Variants in PIK3C3 observed in about 807,000 individuals in gnomAD.
PIK3C3 encodes the protein phosphatidylinositol 3-kinase catalytic subunit type 3.
Under a neutral mutation model 126.1 loss-of-function variants are expected in PIK3C3, and 95 were observed. That is an observed-to-expected ratio of 0.75 (90% CI 0.64 to 0.89). PIK3C3 has a LOEUF of 0.89. Among genes scored for constraint, PIK3C3 ranks in the 40% least tolerant of loss-of-function variants. The probability of loss-of-function intolerance (pLI) is 0.00; values close to 1 mark genes in which losing one functional copy is unlikely to be tolerated. For synonymous variants in PIK3C3, 374 were observed against 360.0 expected, an observed-to-expected ratio of 1.04 and a Z score of -0.44; for missense variants, 829 against 1,063.2, an observed-to-expected ratio of 0.78 and a Z score of 3.06.
intron 9 of PIK3C3, among the ~76,000 whole-genome samples, chr18:42,002,822 T>C (rs1280460988): frequency 6.6e-6 from 1 of 152,180 alleles, no homozygotes; most frequent in Non-Finnish European, 1.5e-5. Flanking sequence ...TCCAGATGTG[T>C]CATATAATGA....
At chr18:41,972,440 A>G (rs1432245130) in intron 4 of PIK3C3, among the ~76,000 whole-genome samples, 2 of 152,112 alleles carry the variant, frequency 1.3e-5, no homozygotes, top group African/African-American at 4.8e-5. Flanking sequence ...CAGAATGGTT[A>G]GCAGTTTTCA....
At chr18:42,017,694 T>C (rs1983136942) in intron 12 of PIK3C3, among the ~76,000 whole-genome samples, 1 of 152,092 alleles carries the variant, frequency 6.6e-6, no homozygotes, top group Non-Finnish European at 1.5e-5. Flanking sequence ...CTTTTCATCT[T>C]AAAACCTGTT....
chr18:42,067,561 G>C, intron 24 of PIK3C3, 48 bp downstream of exon 24: 1 of 1,600,152 alleles, frequency 6.2e-7, no homozygotes, highest in East Asian at 2.2e-5. Flanking sequence ...TCCGTGTACT[G>C]CCCCAGAGTC....
chr18:42,018,288 C>T (rs1378827299), intron 12 of PIK3C3, among the ~76,000 whole-genome samples: 1 of 151,898 alleles, frequency 6.6e-6, no homozygotes, highest in Non-Finnish European at 1.5e-5. Context: ...TACATACTTC[C>T]TGTTTCACAG....
chr18:41,960,619 TGAA>T (rs1382093801), intron 2 of PIK3C3, among the ~76,000 whole-genome samples: 8 of 152,146 alleles, frequency 5.3e-5, no homozygotes, highest in Admixed American at 2.6e-4. Context: ...GGATGATTCG[TGAA>T]GAGGAGGAGA....
chr18:42,087,504 G>C lies in PIK3C3; in HGVS notation c.*6367G>C, dbSNP rs1011501229. 7 of 152,164 alleles carry C rather than the reference G, an allele frequency of 4.6e-5. No individual in the cohort carries two copies. Among genetic ancestry groups the C allele is most frequent in the African/African-American group, 1.7e-4 (7 of 41,436 alleles). The allele number at this position is 152,164 out of a possible 1,614,324, so 9.4% of individuals were successfully genotyped here. A position where few individuals can be genotyped will look rare whatever the true frequency, so the allele number is the denominator to read the frequency against. On this transcript the variant is annotated 3_prime_UTR_variant, in exon 25 of 25. Coordinates refer to ENST00000262039, the MANE Select transcript of PIK3C3 (RefSeq NM_002647.4). ...TGAAAATGTCTAGTCCTTAGTTTCTGCTGGCATTCACCCATGCAAGCTGCC... is the reference window on the plus strand; with the variant it reads ...TGAAAATGTCTAGTCCTTAGTTTCTCCTGGCATTCACCCATGCAAGCTGCC...
intron 10 of PIK3C3, among the ~76,000 whole-genome samples, chr18:42,008,067 T>G (rs983815341): frequency 6.6e-6 from 1 of 152,198 alleles, no homozygotes; most frequent in African/African-American, 2.4e-5. Flanking sequence ...TGTCTCATTT[T>G]TATCAATCTA....
At chr18:42,014,392 G>A (rs1982977508) in intron 11 of PIK3C3, among the ~76,000 whole-genome samples, 1 of 152,012 alleles carries the variant, frequency 6.6e-6, no homozygotes, top group Non-Finnish European at 1.5e-5. Flanking sequence ...TAAAAATTAG[G>A]AGTTCCCAAA....
intron 4 of PIK3C3, among the ~76,000 whole-genome samples, chr18:41,979,249 T>C (rs1981080086): frequency 6.6e-6 from 1 of 152,142 alleles, no homozygotes; most frequent in Non-Finnish European, 1.5e-5. Flanking sequence ...TGATGAGCAC[T>C]TGCTCTCTTT....
chr18:42,051,191 A>C (rs1984786586), intron 21 of PIK3C3: 1 of 152,268 alleles, frequency 6.6e-6, no homozygotes, highest in Non-Finnish European at 1.5e-5. Flanking sequence ...TGCAAGTTCC[A>C]TGAGAGCAGG....
chr18:42,058,122 T>G (rs1985156033), intron 22 of PIK3C3, 71 bp downstream of exon 22: 4 of 1,274,046 alleles, frequency 3.1e-6, no homozygotes, highest in Non-Finnish European at 4.3e-6. Context: ...AGAATTTGTT[T>G]AAATGTATGC....
chr18:41,985,959 A>G (rs1053508990), intron 4 of PIK3C3, among the ~76,000 whole-genome samples: 1 of 152,132 alleles, frequency 6.6e-6, no homozygotes, highest in Non-Finnish European at 1.5e-5. Flanking sequence ...TTAATTTACC[A>G]TTGCCAGTTC....
In PIK3C3 at chr18:42,054,880, A is replaced by G. The variant is rs139077470; in HGVS notation, c.2264-3003A>G. 1.2e-3 allele frequency among the ~76,000 whole-genome samples: 179 copies of G among 152,018 alleles called. 1 individual carries two copies. The highest frequency in any genetic ancestry group is 4.1e-3 in the African/African-American group (171 of 41,476). Reference sequence around the variant, plus strand: ...ACATAATAAACATTCCTTAAGGGCTATTAGGTTTTCTTTGCTTGTTTGTTT... The same window carrying G: ...ACATAATAAACATTCCTTAAGGGCTGTTAGGTTTTCTTTGCTTGTTTGTTT... On this transcript the variant is annotated intron_variant, in intron 21 of 24. Coordinates refer to ENST00000262039, the MANE Select transcript of PIK3C3 (RefSeq NM_002647.4).
At chr18:41,985,529 A>AT (rs2144342728) in intron 4 of PIK3C3, among the ~76,000 whole-genome samples, 1 of 152,072 alleles carries the variant, frequency 6.6e-6, no homozygotes, top group African/African-American at 2.4e-5. Context: ...AGGCATACAG[A>AT]TTTTTCTCAT....
chr18:42,051,473 TC>T (rs1984800202), intron 21 of PIK3C3, among the ~76,000 whole-genome samples: 1 of 151,924 alleles, frequency 6.6e-6, no homozygotes, highest in Non-Finnish European at 1.5e-5. Context: ...TCAAGAATAA[TC>T]TATTAATATA....
At chr18:42,012,321 A>C (rs1257096308) in intron 10 of PIK3C3, among the ~76,000 whole-genome samples, 19 of 152,176 alleles carry the variant, frequency 1.2e-4, no homozygotes. Context: ...ACCAAGAGTA[A>C]GTTATTACAG....
chr18:42,008,615 A>G (rs957647536), intron 10 of PIK3C3, among the ~76,000 whole-genome samples: 5 of 152,124 alleles, frequency 3.3e-5, no homozygotes, highest in Admixed American at 6.5e-5. Context: ...GGTGATCACT[A>G]TCTAGTAAAA....
chr18:42,001,773 A>G (rs1008881776), intron 9 of PIK3C3, among the ~76,000 whole-genome samples: 4 of 152,210 alleles, frequency 2.6e-5, no homozygotes, highest in Admixed American at 6.5e-5. Flanking sequence ...TCGGCATGCT[A>G]CAAGATTTGC....
At chr18:42,028,493 A>G (rs146498727) in intron 14 of PIK3C3, among the ~76,000 whole-genome samples, 155 of 152,306 alleles carry the variant, frequency 1.0e-3, no homozygotes, top group Non-Finnish European at 2.0e-3. Flanking sequence ...GAAATAGTCT[A>G]TTTCATGGCA....
Sources: gnomAD v4.1 joint callset for allele counts (sites outside exome capture counted in the v4.1 genomes callset) on GRCh38, gnomAD v4.1.1 for gene constraint, MANE v1.5 for transcripts, NCBI Gene and HGNC (gene_info 2026-07-23, HGNC 2026-07-21) for gene names.